USP34: variants seen among roughly 807,000 people sequenced by gnomAD.
The protein encoded by USP34 is ubiquitin carboxyl-terminal hydrolase 34.
A neutral mutation model predicts 460.3 loss-of-function variants in USP34; 70 were observed. The observed-to-expected ratio is 0.15, with a 90% CI of 0.13 to 0.19. USP34 has a LOEUF of 0.19. Ranked by LOEUF, USP34 falls within the 10% of genes least tolerant of loss-of-function variation. USP34 has a pLI of 1.00. For missense variants in USP34, 3,985 were observed against 4,236.2 expected, an observed-to-expected ratio of 0.94 and a Z score of 1.65; for synonymous variants, 1,647 against 1,405.3, an observed-to-expected ratio of 1.17 and a Z score of -3.85.
In USP34 at chr2:61,470,857, G is replaced by C. The variant is rs1695939580; in HGVS notation, c.-165C>G. 7.1e-6 allele frequency: 3 copies of C among 423,322 alleles called. No individual in the cohort carries two copies. The highest frequency in any genetic ancestry group is 1.3e-5 in the Non-Finnish European group (3 of 232,374). 26.2% of individuals were successfully genotyped at this position (423,322 alleles called of 1,614,324 possible). A position where few individuals can be genotyped will look rare whatever the true frequency, so the allele number is the denominator to read the frequency against. On this transcript the variant is annotated 5_prime_UTR_variant, in exon 1 of 80. Coordinates refer to ENST00000398571, the MANE Select transcript of USP34 (RefSeq NM_014709.4). ...GACGGGGCGGGGAGCAAGAGAATGG[G>C]GGAGGGGGCCGGCGGTCCCCGCAGC...
At chr2:61,316,169 G>A (rs1345253608) in intron 23 of USP34, among the ~76,000 whole-genome samples, 2 of 152,108 alleles carry the variant, frequency 1.3e-5, no homozygotes, top group Non-Finnish European at 2.9e-5. Flanking sequence ...TTGTGCCACT[G>A]CACTCCAGCA....
chr2:61,231,071 A>T (rs7602859), intron 58 of USP34, among the ~76,000 whole-genome samples: 51,028 of 152,060 alleles, frequency 0.34, 8,627 homozygotes, highest in Non-Finnish European at 0.38. Flanking sequence ...AAAAAAGAAA[A>T]TGTAATATGG....
At chr2:61,260,370 A>G (rs1688843053) in intron 43 of USP34, among the ~76,000 whole-genome samples, 1 of 152,204 alleles carries the variant, frequency 6.6e-6, no homozygotes, top group South Asian at 2.1e-4. Context: ...CAAGGTACTT[A>G]TTACACATAT....
chr2:61,284,885 G>T lies in USP34; in HGVS notation c.4822C>A (p.Leu1608Met). 6.2e-7 allele frequency: 1 copy of T among 1,608,942 alleles called. No homozygotes were observed. The highest frequency in any genetic ancestry group is 8.5e-7 in the Non-Finnish European group (1 of 1,177,706). Residue 1608 changes from leucine to methionine, a missense_variant, in exon 35 of 80, where the codon CTG (leucine) becomes ATG (methionine). Physicochemically the swap from Leu to Met is conservative, Grantham distance 15. Coordinates refer to ENST00000398571, the MANE Select transcript of USP34 (RefSeq NM_014709.4). ...TCTTAAAATGCATACCTAGGAGCCA[G>T]ATTATCATACGTATAAGCAACAGAC... ...LMSVAYTYDN[L>M]APRVLKAQSD... is the part of the protein sequence containing the mutation.
chr2:61,282,907 A>G (rs1689577540), intron 37 of USP34, among the ~76,000 whole-genome samples: 1 of 152,228 alleles, frequency 6.6e-6, no homozygotes, highest in South Asian at 2.1e-4. Flanking sequence ...AATCCAAAGC[A>G]AAATAATCAT....
At position 61,293,565 on chromosome 2, in the gene USP34, G is replaced by A. The variant is rs117505252; in HGVS notation, c.4462-15C>T. 1.9e-6 allele frequency: 3 copies of A among 1,599,040 alleles called. No homozygotes were observed. Among genetic ancestry groups the A allele is most frequent in the Non-Finnish European group, 2.6e-6 (3 of 1,168,676 alleles). On this transcript the variant is annotated splice_polypyrimidine_tract_variant and intron_variant, in intron 32 of 79. Coordinates refer to ENST00000398571, the MANE Select transcript of USP34 (RefSeq NM_014709.4). ...GCAGCAACAAACTGTAGGCAATTGT[G>A]AAAGTAATAGTAAGAGAAAAGCAGA...
intron 1 of USP34, among the ~76,000 whole-genome samples, chr2:61,452,365 C>T (rs1203083821): frequency 7.3e-6 from 1 of 137,038 alleles, no homozygotes. Context: ...CACTCTGTCA[C>T]CCAGGCTAGA....
chr2:61,228,037 T>A (rs1017796699), intron 61 of USP34, among the ~76,000 whole-genome samples: 1 of 152,198 alleles, frequency 6.6e-6, no homozygotes, highest in Non-Finnish European at 1.5e-5. Flanking sequence ...TACAAAACAG[T>A]GTTTAAGAGT....
chr2:61,202,053 C>G (rs942349492), intron 75 of USP34, among the ~76,000 whole-genome samples: 2 of 152,156 alleles, frequency 1.3e-5, no homozygotes, highest in Non-Finnish European at 2.9e-5. Flanking sequence ...GCTAATAATA[C>G]CAGGTTACCA....
At chr2:61,215,025 C>A (rs927795883) in intron 67 of USP34, among the ~76,000 whole-genome samples, 16 of 152,056 alleles carry the variant, frequency 1.1e-4, no homozygotes, top group African/African-American at 3.9e-4. Context: ...CAGAGGGAAC[C>A]CAGCATTTGC....
chr2:61,365,627 G>C (rs182469335), intron 10 of USP34, among the ~76,000 whole-genome samples: 3 of 152,156 alleles, frequency 2.0e-5, no homozygotes, highest in Non-Finnish European at 4.4e-5. Context: ...AGGAAGAAAG[G>C]AATGACAAAA....
At chr2:61,390,799 A>G (rs1006158903) in intron 5 of USP34, among the ~76,000 whole-genome samples, 2 of 146,496 alleles carry the variant, frequency 1.4e-5, no homozygotes, top group Admixed American at 6.8e-5. Flanking sequence ...TCAGGTTCTG[A>G]AAAAAAAAAC....
chr2:61,401,023 C>T lies in USP34; in HGVS notation c.552+4685G>A, dbSNP rs541664184. Among the ~76,000 whole-genome samples, 27 of 151,280 alleles carry T rather than the reference C, an allele frequency of 1.8e-4. No homozygotes were observed. The South Asian group carries it at 3.8e-3, about 21-fold the overall frequency. On this transcript the variant is annotated intron_variant, in intron 3 of 79. Transcript: ENST00000398571. ...AAATTAGCTGGGCATTTTGGGTGCG[C>T]GCCTGTAGTCCCAGCTACTTGGGAG...
intron 49 of USP34, 24 bp from the exon 50 acceptor site, chr2:61,246,501 A>G (rs764584301): frequency 1.4e-6 from 2 of 1,458,796 alleles, no homozygotes; most frequent in South Asian, 3.1e-5. Context: ...CACAGAATGG[A>G]AATAATTTTC....
chr2:61,384,343 G>A (rs1483142302), intron 5 of USP34, among the ~76,000 whole-genome samples: 1 of 152,082 alleles, frequency 6.6e-6, no homozygotes, highest in Non-Finnish European at 1.5e-5. Context: ...AAAAAACTCT[G>A]ATACTGAGTC....
At chr2:61,447,716 TTTTA>T (rs1008854837) in intron 1 of USP34, among the ~76,000 whole-genome samples, 20 of 152,230 alleles carry the variant, frequency 1.3e-4, no homozygotes, top group South Asian at 6.2e-4. Flanking sequence ...GGGTTTTTTC[TTTTA>T]TTTATTTATT....
At chr2:61,311,216 G>T (rs938506192) in intron 27 of USP34, among the ~76,000 whole-genome samples, 2 of 152,228 alleles carry the variant, frequency 1.3e-5, no homozygotes, top group African/African-American at 2.4e-5. Flanking sequence ...ATTATAAAAG[G>T]GTCTGATGGA....
At chr2:61,403,720 G>A (rs904730477) in intron 3 of USP34, among the ~76,000 whole-genome samples, 2 of 152,016 alleles carry the variant, frequency 1.3e-5, no homozygotes, top group Non-Finnish European at 2.9e-5. Context: ...GGGCGCAGCG[G>A]CTCACGCCTG....
At chr2:61,331,552 T>A (rs1262419272) in intron 19 of USP34, among the ~76,000 whole-genome samples, 181 bp from the exon 20 acceptor site, 1 of 152,052 alleles carries the variant, frequency 6.6e-6, no homozygotes, top group African/African-American at 2.4e-5. Flanking sequence ...GTTCCTTCAT[T>A]TTTATGAATT....
Sources: gnomAD v4.1 joint callset for allele counts (sites outside exome capture counted in the v4.1 genomes callset) on GRCh38, gnomAD v4.1.1 for gene constraint, MANE v1.5 for transcripts, NCBI Gene and HGNC (gene_info 2026-07-23, HGNC 2026-07-21) for gene names.